The following APP variants were observed in gnomAD, a reference collection of about 807,000 sequenced individuals.
The protein encoded by APP is amyloid-beta precursor protein.
In APP, 31 loss-of-function variants were observed where a neutral mutation model predicts 101.4. The observed-to-expected ratio is 0.31, with a 90% CI of 0.23 to 0.41. APP has a LOEUF of 0.41. APP is among the 10% of genes least tolerant of loss of function. The pLI, the probability that APP is intolerant of heterozygous loss-of-function variation, is 1.00. For synonymous variants in APP, 366 were observed against 364.4 expected, an observed-to-expected ratio of 1.00 and a Z score of -0.05; for missense variants, 839 against 1,003.7, an observed-to-expected ratio of 0.84 and a Z score of 2.22.
chr21:25,897,374 A>G (rs1017509697), intron 16 of APP, among the ~76,000 whole-genome samples, 199 bp downstream of exon 16: 1 of 152,172 alleles, frequency 6.6e-6, no homozygotes, highest in Non-Finnish European at 1.5e-5. Flanking sequence ...TTGGCCTCCC[A>G]AAGTGCTGGG....
intron 3 of APP, among the ~76,000 whole-genome samples, chr21:26,088,473 C>T (rs993765205): frequency 3.9e-5 from 6 of 152,178 alleles, no homozygotes; most frequent in Non-Finnish European, 8.8e-5. Context: ...ATTTGGAATA[C>T]TTCATAGAAC....
At chr21:26,038,305 T>A (rs1205834961) in intron 5 of APP, among the ~76,000 whole-genome samples, 1 of 152,180 alleles carries the variant, frequency 6.6e-6, no homozygotes, top group Non-Finnish European at 1.5e-5. Context: ...TTATTGATTA[T>A]GATTACAAGA....
intron 13 of APP, among the ~76,000 whole-genome samples, chr21:25,916,977 G>A (rs59946343): frequency 0.017 from 2,599 of 152,100 alleles, 81 homozygotes; most frequent in African/African-American, 0.059. Flanking sequence ...CAAATGCTTC[G>A]AGGTGGCCAG....
intron 3 of APP, among the ~76,000 whole-genome samples, chr21:26,067,556 C>T (rs941165540): frequency 2.0e-5 from 3 of 152,168 alleles, no homozygotes; most frequent in East Asian, 1.9e-4. Context: ...CCATTTTATG[C>T]GCTATGCTAT....
At chr21:26,108,654 G>A (rs1004291439) in intron 2 of APP, among the ~76,000 whole-genome samples, 5 of 152,198 alleles carry the variant, frequency 3.3e-5, no homozygotes, top group African/African-American at 1.2e-4. Context: ...CTGGGAGGCC[G>A]AAGAGGGTGG....
chr21:26,000,379 T>C (rs2043242165), intron 6 of APP, among the ~76,000 whole-genome samples, 197 bp from the exon 7 acceptor site: 1 of 152,166 alleles, frequency 6.6e-6, no homozygotes. Flanking sequence ...GCATGCACTG[T>C]CATCTGGTTT....
chr21:25,951,065 T>C (rs1281064285), intron 13 of APP, among the ~76,000 whole-genome samples: 1 of 152,134 alleles, frequency 6.6e-6, no homozygotes, highest in African/African-American at 2.4e-5. Context: ...ACCCATGAAT[T>C]TGGGATTCAC....
chr21:26,136,206 G>GAAAGAAAGAAAGAAAGAAAGAAAGA (rs2062912905), intron 1 of APP, among the ~76,000 whole-genome samples: 4 of 115,324 alleles, frequency 3.5e-5, no homozygotes, highest in Non-Finnish European at 7.1e-5. Context: ...AGAAAGAAAA[G>GAAAGAAAGAAAGAAAGAAAGAAAGA]AAAAGAAAGA....
chr21:25,893,895 TAGAG>T (rs1369155580), intron 16 of APP, among the ~76,000 whole-genome samples: 1 of 152,198 alleles, frequency 6.6e-6, no homozygotes, highest in Non-Finnish European at 1.5e-5. Flanking sequence ...CTTTCATCAC[TAGAG>T]AGAAGTCCTG....
chr21:26,055,167 T>C (rs559571159), intron 3 of APP, among the ~76,000 whole-genome samples: 123 of 152,046 alleles, frequency 8.1e-4, no homozygotes, highest in Non-Finnish European at 1.2e-3. Context: ...GCTGCAGGTG[T>C]CACTTTGCAG....
chr21:26,110,288 C>CA (rs1253644621), intron 2 of APP, among the ~76,000 whole-genome samples: 4 of 151,924 alleles, frequency 2.6e-5, no homozygotes, highest in African/African-American at 9.7e-5. Flanking sequence ...ACTAAAAATA[C>CA]AAAAAAATTT....
chr21:26,001,436 A>C (rs1375011537), intron 6 of APP, among the ~76,000 whole-genome samples: 1 of 152,238 alleles, frequency 6.6e-6, no homozygotes, highest in Non-Finnish European at 1.5e-5. Context: ...TTTTACTGAC[A>C]GAGGAAAAAA....
intron 5 of APP, among the ~76,000 whole-genome samples, chr21:26,038,228 A>C (rs935897824): frequency 6.6e-6 from 1 of 150,782 alleles, no homozygotes; most frequent in Admixed American, 6.6e-5. Context: ...ATTACTACCA[A>C]AACTAATTTT....
chr21:26,096,238 C>T (rs75078377), intron 2 of APP, among the ~76,000 whole-genome samples: 1 of 152,320 alleles, frequency 6.6e-6, no homozygotes, highest in East Asian at 1.9e-4. Context: ...CAGTGTGCCT[C>T]ACATCGCTAT....
chr21:26,009,494 AC>A (rs2146719163), intron 6 of APP: 1 of 152,330 alleles, frequency 6.6e-6, no homozygotes, highest in Admixed American at 6.5e-5. Flanking sequence ...ATATCCCAGA[AC>A]ATCAGAAATA....
chr21:25,945,404 C>CTTTTTTTTTTTT (rs2040771745), intron 13 of APP: 1 of 7,146 alleles, frequency 1.4e-4, no homozygotes, highest in African/African-American at 3.5e-4. Context: ...TTTTTTTTTG[C>CTTTTTTTTTTTT]AGAAATGGTA....
intron 3 of APP, among the ~76,000 whole-genome samples, chr21:26,060,165 A>T (rs1387853608): frequency 6.6e-6 from 1 of 152,170 alleles, no homozygotes; most frequent in East Asian, 1.9e-4. Flanking sequence ...ATCATTCACT[A>T]ATCACCTATT....
intron 1 of APP, chr21:26,140,209 G>T: frequency 6.5e-7 from 1 of 1,536,122 alleles, no homozygotes; most frequent in Middle Eastern, 1.7e-4. Context: ...ATCTGGGGAA[G>T]AGCTGGCTCC....
chr21:26,135,670 C>T (rs1415531787), intron 1 of APP, among the ~76,000 whole-genome samples: 1 of 152,156 alleles, frequency 6.6e-6, no homozygotes, highest in Non-Finnish European at 1.5e-5. Flanking sequence ...AGGTTAAATG[C>T]AAGCCCTAGC....
Sources: gnomAD v4.1 joint callset for allele counts (sites outside exome capture counted in the v4.1 genomes callset) on GRCh38, gnomAD v4.1.1 for gene constraint, MANE v1.5 for transcripts, NCBI Gene and HGNC (gene_info 2026-07-23, HGNC 2026-07-21) for gene names.